The following HCRTR2 variants were observed in gnomAD, a reference collection of about 807,000 sequenced individuals.
HCRTR2 encodes hypocretin receptor 2.
Under a neutral mutation model 49.0 loss-of-function variants are expected in HCRTR2, and 22 were observed. The observed-to-expected ratio is 0.45, with a 90% CI of 0.32 to 0.64. HCRTR2 has a LOEUF of 0.64. Ranked by LOEUF, HCRTR2 falls within the 30% of genes least tolerant of loss-of-function variation. The pLI is 0.04. For synonymous variants in HCRTR2, 236 were observed against 205.3 expected (o/e 1.15, Z -1.28); for missense variants, 491 against 559.4 (o/e 0.88, Z 1.23).
intron 1 of HCRTR2, among the ~76,000 whole-genome samples, chr6:55,185,515 T>C (rs560593151): frequency 2.6e-5 from 4 of 152,196 alleles, no homozygotes; most frequent in Non-Finnish European, 1.5e-5. Flanking sequence ...TAAAAACATG[T>C]ACATACCTCA....
intron 5 of HCRTR2, among the ~76,000 whole-genome samples, chr6:55,279,403 G>C (rs1479630941): frequency 6.7e-6 from 1 of 150,270 alleles, no homozygotes; most frequent in African/African-American, 2.5e-5. Flanking sequence ...AATTTCTTTT[G>C]TCCGTATTAT....
intron 1 of HCRTR2, among the ~76,000 whole-genome samples, chr6:55,115,197 T>C (rs1257639324): frequency 6.6e-6 from 1 of 151,770 alleles, no homozygotes; most frequent in Admixed American, 6.6e-5. Context: ...TCCATGTATA[T>C]TCTATTGATT....
At chr6:55,250,347 G>T (rs1208607093) in intron 2 of HCRTR2, among the ~76,000 whole-genome samples, 1 of 152,028 alleles carries the variant, frequency 6.6e-6, no homozygotes, top group Non-Finnish European at 1.5e-5. Flanking sequence ...AGAGGCACTA[G>T]GAAAGTAATA....
At chr6:55,270,944 A>T (rs1766961931) in intron 4 of HCRTR2, among the ~76,000 whole-genome samples, 1 of 152,176 alleles carries the variant, frequency 6.6e-6, no homozygotes, top group Non-Finnish European at 1.5e-5. Context: ...GGATTGGAAG[A>T]TTCAATCTTG....
chr6:55,280,528 T>C (rs1029571454), intron 6 of HCRTR2, 84 bp downstream of exon 6: 2 of 1,576,224 alleles, frequency 1.3e-6, no homozygotes, highest in African/African-American at 2.7e-5. Flanking sequence ...ATATGAGGAG[T>C]TTAGTTGCTA....
chr6:55,219,291 C>T (rs1581836907), intron 1 of HCRTR2, among the ~76,000 whole-genome samples: 1 of 152,210 alleles, frequency 6.6e-6, no homozygotes, highest in Non-Finnish European at 1.5e-5. Context: ...AGATCATATG[C>T]TGTGTCACAA....
At chr6:55,165,043 T>A (rs2127264371) in intron 1 of HCRTR2, among the ~76,000 whole-genome samples, 1 of 152,258 alleles carries the variant, frequency 6.6e-6, no homozygotes, top group Admixed American at 6.5e-5. Context: ...AAAGAATGCA[T>A]CTTACCAGCA....
At chr6:55,145,473 C>T (rs945099066) in intron 1 of HCRTR2, among the ~76,000 whole-genome samples, 1 of 150,614 alleles carries the variant, frequency 6.6e-6, no homozygotes, top group Non-Finnish European at 1.5e-5. Flanking sequence ...TGCAGTGGCG[C>T]GATCTCGGCT....
intron 5 of HCRTR2, among the ~76,000 whole-genome samples, chr6:55,278,855 G>T (rs894429930): frequency 2.0e-5 from 3 of 151,086 alleles, no homozygotes; most frequent in Admixed American, 6.6e-5. Flanking sequence ...TTACTGGATG[G>T]GTTTTATTCT....
chr6:55,273,996 C>T (rs1767024738), intron 4 of HCRTR2, among the ~76,000 whole-genome samples: 1 of 151,248 alleles, frequency 6.6e-6, no homozygotes, highest in Non-Finnish European at 1.5e-5. Flanking sequence ...AGAATAAATT[C>T]TTTTTTTAAA....
chr6:55,147,362 A>G (rs1764609346), intron 1 of HCRTR2, among the ~76,000 whole-genome samples: 2 of 152,276 alleles, frequency 1.3e-5, no homozygotes, highest in African/African-American at 2.4e-5. Context: ...TAATAAATAC[A>G]GTGGCTTAAG....
At chr6:55,208,565 C>A (rs191231041) in intron 1 of HCRTR2, among the ~76,000 whole-genome samples, 1 of 151,608 alleles carries the variant, frequency 6.6e-6, no homozygotes, top group Non-Finnish European at 1.5e-5. Flanking sequence ...TTTAATCCTG[C>A]AAGATTATGT....
At chr6:55,200,409 C>T (rs985358862) in intron 1 of HCRTR2, among the ~76,000 whole-genome samples, 6 of 151,828 alleles carry the variant, frequency 4.0e-5, no homozygotes, top group South Asian at 4.2e-4. Context: ...GGAGTACAGG[C>T]GCACACCACC....
intron 1 of HCRTR2, among the ~76,000 whole-genome samples, chr6:55,239,151 C>G (rs2127304387): frequency 6.6e-6 from 1 of 152,250 alleles, no homozygotes; most frequent in Non-Finnish European, 1.5e-5. Context: ...ACTGTAACTA[C>G]CAGGTATAGT....
At chr6:55,275,046 T>G (rs1156480131) in intron 4 of HCRTR2, among the ~76,000 whole-genome samples, 1 of 152,162 alleles carries the variant, frequency 6.6e-6, no homozygotes, top group Non-Finnish European at 1.5e-5. Context: ...CCATTTCATG[T>G]AAGTTGGCAA....
At chr6:55,113,416 C>G (rs4712096) in intron 1 of HCRTR2, among the ~76,000 whole-genome samples, 46,519 of 151,578 alleles carry the variant, frequency 0.31, 9,258 homozygotes, top group East Asian at 0.79. Flanking sequence ...CTACAAGGAA[C>G]TCAAACAAAT....
rs112936140 is a variant in HCRTR2, at chr6:55,178,689, C to T, written c.223+3879C>T. Reference sequence around the variant, plus strand: ...GCCTTTTCCTTAATTGCATATTTTCCTAAAAGGTGTGAATAAAATGGTGTT... The same window carrying T: ...GCCTTTTCCTTAATTGCATATTTTCTTAAAAGGTGTGAATAAAATGGTGTT... On this transcript the variant is annotated intron_variant, in intron 1 of 6. Transcript: ENST00000370862. Among the ~76,000 whole-genome samples the T allele has an allele frequency of 2.7e-3, 410 of 152,268 alleles. 2 individuals carry two copies. The highest frequency in any genetic ancestry group is 9.4e-3 in the African/African-American group (392 of 41,574).
chr6:55,255,808 C>A (rs1279233234), intron 3 of HCRTR2, among the ~76,000 whole-genome samples: 1 of 152,104 alleles, frequency 6.6e-6, no homozygotes, highest in African/African-American at 2.4e-5. Context: ...TGAATTTTTT[C>A]ATTTTAAGAC....
intron 1 of HCRTR2, among the ~76,000 whole-genome samples, chr6:55,220,651 G>A (rs1381957096): frequency 6.6e-6 from 1 of 152,110 alleles, no homozygotes; most frequent in African/African-American, 2.4e-5. Context: ...CAGGAACTAG[G>A]TAAGAATGTC....
Sources: gnomAD v4.1 joint callset for allele counts (sites outside exome capture counted in the v4.1 genomes callset) on GRCh38, gnomAD v4.1.1 for gene constraint, MANE v1.5 for transcripts, NCBI Gene and HGNC (gene_info 2026-07-23, HGNC 2026-07-21) for gene names.